Variants in HHAT observed in about 807,000 individuals in gnomAD.
HHAT encodes the protein hedgehog acyltransferase.
HHAT carries 47 observed loss-of-function variants against 70.8 expected under a neutral mutation model. The observed-to-expected ratio is 0.66, with a 90% CI of 0.53 to 0.85. The LOEUF (loss-of-function observed/expected upper bound fraction) is 0.85. HHAT is among the 40% of genes least tolerant of loss of function. HHAT has a pLI of 0.00. For synonymous variants in HHAT, 228 were observed against 247.6 expected (o/e 0.92, Z 0.74); for missense variants, 609 against 604.8 (o/e 1.01, Z -0.07).
intron 7 of HHAT, among the ~76,000 whole-genome samples, chr1:210,420,225 A>G (rs557365306): frequency 3.9e-4 from 60 of 152,364 alleles, no homozygotes; most frequent in African/African-American, 1.3e-3. Flanking sequence ...ACCTCGTCGT[A>G]TGAATAGATT....
At chr1:210,612,095 G>A (rs926313927) in intron 10 of HHAT, among the ~76,000 whole-genome samples, 101 of 152,084 alleles carry the variant, frequency 6.6e-4, no homozygotes, top group African/African-American at 2.4e-3. Context: ...GCCCACCTGC[G>A]TTTGAAAACT....
At chr1:210,553,422 C>T (rs559333262) in intron 9 of HHAT, among the ~76,000 whole-genome samples, 1 of 152,256 alleles carries the variant, frequency 6.6e-6, no homozygotes, top group South Asian at 2.1e-4. Flanking sequence ...TCTGCTGAGG[C>T]CCTTTTAGGA....
intron 8 of HHAT, among the ~76,000 whole-genome samples, chr1:210,473,810 G>A (rs1009491539): frequency 1.3e-5 from 2 of 152,084 alleles, no homozygotes; most frequent in Non-Finnish European, 2.9e-5. Context: ...AAAGAGAATT[G>A]TCTGTCCTAC....
At chr1:210,633,938 T>A (rs572247048) in intron 11 of HHAT, among the ~76,000 whole-genome samples, 11 of 152,292 alleles carry the variant, frequency 7.2e-5, no homozygotes, top group Admixed American at 4.6e-4. Context: ...GCTGCTAATT[T>A]TAGCCCTACT....
chr1:210,388,722 G>T (rs956531636), intron 4 of HHAT, among the ~76,000 whole-genome samples: 2 of 151,890 alleles, frequency 1.3e-5, no homozygotes, highest in African/African-American at 4.8e-5. Context: ...CTCATTAATG[G>T]TTTTCTTTAC....
chr1:210,610,897 T>C (rs900874187), intron 10 of HHAT, among the ~76,000 whole-genome samples: 1 of 152,000 alleles, frequency 6.6e-6, no homozygotes, highest in South Asian at 2.1e-4. Context: ...ACCAGACACA[T>C]AGTTTTGGTT....
intron 8 of HHAT, among the ~76,000 whole-genome samples, chr1:210,481,612 C>T (rs2501888): frequency 0.15 from 22,292 of 152,204 alleles, 1,680 homozygotes; most frequent in Non-Finnish European, 0.16. Context: ...TGGGCCTTGT[C>T]GGATCTCACC....
chr1:210,362,633 C>T (rs2148025680), intron 2 of HHAT, among the ~76,000 whole-genome samples: 1 of 152,314 alleles, frequency 6.6e-6, no homozygotes, highest in African/African-American at 2.4e-5. Context: ...ACCCTTATTA[C>T]AAGCCAAGTT....
At chr1:210,395,250 G>A (rs992304655) in intron 4 of HHAT, among the ~76,000 whole-genome samples, 2 of 152,076 alleles carry the variant, frequency 1.3e-5, no homozygotes, top group African/African-American at 2.4e-5. Context: ...CTCTAAGGAG[G>A]GAACCCACCA....
intron 10 of HHAT, among the ~76,000 whole-genome samples, chr1:210,599,347 G>C (rs1237045655): frequency 6.6e-6 from 1 of 152,128 alleles, no homozygotes; most frequent in Non-Finnish European, 1.5e-5. Flanking sequence ...GCTGTTACTT[G>C]GAATGATCTT....
intron 6 of HHAT, among the ~76,000 whole-genome samples, chr1:210,413,077 C>T (rs1395036586): frequency 6.6e-6 from 1 of 152,172 alleles, no homozygotes; most frequent in African/African-American, 2.4e-5. Flanking sequence ...GCACTCTGGC[C>T]TGTGATGATG....
At chr1:210,401,033 A>G (rs561576018) in intron 5 of HHAT, among the ~76,000 whole-genome samples, 16 of 152,352 alleles carry the variant, frequency 1.1e-4, no homozygotes, top group African/African-American at 3.8e-4. Context: ...GAATGCACAC[A>G]TCACTCAACT....
intron 11 of HHAT, among the ~76,000 whole-genome samples, chr1:210,634,316 G>C (rs1251539819): frequency 6.6e-6 from 1 of 152,136 alleles, no homozygotes; most frequent in Non-Finnish European, 1.5e-5. Context: ...GATTTTTGCT[G>C]GGTAAACCTG....
At chr1:210,621,491 T>G (rs74158943) in intron 10 of HHAT, among the ~76,000 whole-genome samples, 2,068 of 152,286 alleles carry the variant, frequency 0.014, 36 homozygotes, top group African/African-American at 0.047. Flanking sequence ...TCTCCCAACT[T>G]CCTCTCACCC....
chr1:210,365,315 T>TTTTTTG (rs2088818123), intron 3 of HHAT, among the ~76,000 whole-genome samples: 4 of 124,214 alleles, frequency 3.2e-5, no homozygotes, highest in South Asian at 2.8e-4. Flanking sequence ...GACAGTTTTT[T>TTTTTTG]TTTTTTTTTT....
At chr1:210,545,062 T>A (rs2148669181) in intron 9 of HHAT, among the ~76,000 whole-genome samples, 1 of 152,174 alleles carries the variant, frequency 6.6e-6, no homozygotes, top group Middle Eastern at 3.4e-3. Flanking sequence ...GTTCTCCATA[T>A]TGTAATGAGA....
intron 11 of HHAT, among the ~76,000 whole-genome samples, chr1:210,663,472 C>T (rs763267053): frequency 1.3e-5 from 2 of 152,146 alleles, no homozygotes; most frequent in African/African-American, 2.4e-5. Flanking sequence ...GTCCAATGAG[C>T]GTTTAGACCT....
At chr1:210,458,350 T>C (rs967634516) in intron 7 of HHAT, among the ~76,000 whole-genome samples, 2 of 152,224 alleles carry the variant, frequency 1.3e-5, no homozygotes, top group African/African-American at 4.8e-5. Flanking sequence ...TGTTTTGTGT[T>C]ATGTGCCAGG....
intron 11 of HHAT, among the ~76,000 whole-genome samples, chr1:210,654,415 C>T (rs1309869987): frequency 3.9e-5 from 6 of 152,194 alleles, no homozygotes; most frequent in Non-Finnish European, 8.8e-5. Flanking sequence ...GGGCAGAAGC[C>T]AGTTCTGTCA....
Sources: allele counts gnomAD v4.1 joint callset (sites outside exome capture counted in the v4.1 genomes callset), GRCh38; gene constraint gnomAD v4.1.1; transcripts MANE v1.5; gene names NCBI Gene and HGNC (gene_info 2026-07-23, HGNC 2026-07-21).